Variants in CERS6 observed in about 807,000 individuals in gnomAD.
The protein encoded by CERS6 is LAG1 homolog, ceramide synthase 6.
Under a neutral mutation model 56.8 loss-of-function variants are expected in CERS6, and 26 were observed. The observed-to-expected ratio is 0.46, with a 90% CI of 0.34 to 0.63. The LOEUF (loss-of-function observed/expected upper bound fraction) is 0.63, where lower values mean the gene tolerates loss of function less well. Ranked by LOEUF, CERS6 falls within the 30% of genes least tolerant of loss-of-function variation. The probability of loss-of-function intolerance (pLI) is 0.01; values close to 1 mark genes in which losing one functional copy is unlikely to be tolerated. For missense variants in CERS6, 415 were observed against 467.5 expected, an observed-to-expected ratio of 0.89 and a Z score of 1.04; for synonymous variants, 164 against 173.3, an observed-to-expected ratio of 0.95 and a Z score of 0.42.
At chr2:168,647,131 C>T (rs1324218439) in intron 4 of CERS6, among the ~76,000 whole-genome samples, 1 of 152,148 alleles carries the variant, frequency 6.6e-6, no homozygotes, top group African/African-American at 2.4e-5. Context: ...GCAGTGCAGC[C>T]ATTTTAATTA....
Position 168,456,743 on chromosome 2 carries a change from GT to G in CERS6, c.170+127del. ...CGCGTTCACGCCTCCCAACCTTTGT[GT>G]TCGGGGAGGGGTTGCTGACCCCCCT... On this transcript the variant is annotated intron_variant, in intron 1 of 9. Coordinates refer to ENST00000305747, the MANE Select transcript of CERS6 (RefSeq NM_203463.3). The surrounding 1 kb of genome is among the most constrained non-coding windows in gnomAD (Gnocchi z 4.1). 1.1e-6 allele frequency: 1 copy of G among 876,436 alleles called. No individual in the cohort carries two copies. Among genetic ancestry groups the G allele is most frequent in the Non-Finnish European group, 1.7e-6 (1 of 573,982 alleles). 54.3% of individuals were successfully genotyped at this position (876,436 alleles called of 1,614,324 possible). A position where few individuals can be genotyped will look rare whatever the true frequency, so the allele number is the denominator to read the frequency against.
At chr2:168,509,600 G>A (rs1694742383) in intron 1 of CERS6, among the ~76,000 whole-genome samples, 1 of 152,098 alleles carries the variant, frequency 6.6e-6, no homozygotes, top group Admixed American at 6.5e-5. Context: ...GGGAATGTCG[G>A]GTTAATCATG....
chr2:168,575,430 GC>G (rs1683238005), intron 3 of CERS6, among the ~76,000 whole-genome samples: 1 of 151,802 alleles, frequency 6.6e-6, no homozygotes, highest in African/African-American at 2.4e-5. Flanking sequence ...GTGAGGAAGT[GC>G]CACTTCCTCA....
intron 3 of CERS6, among the ~76,000 whole-genome samples, chr2:168,615,556 C>G (rs566005249): frequency 1.3e-5 from 2 of 151,596 alleles, no homozygotes; most frequent in African/African-American, 4.8e-5. Context: ...ACTGGATGCA[C>G]GAAAGAAATG....
intron 1 of CERS6, among the ~76,000 whole-genome samples, chr2:168,518,043 A>G (rs1694914933): frequency 6.6e-6 from 1 of 152,110 alleles, no homozygotes; most frequent in Admixed American, 6.5e-5. Flanking sequence ...AAAATACATA[A>G]CCGTTTTAAA....
intron 1 of CERS6, among the ~76,000 whole-genome samples, chr2:168,491,418 A>G (rs1352346454): frequency 1.3e-5 from 2 of 152,182 alleles, no homozygotes; most frequent in African/African-American, 2.4e-5. Context: ...GGAGTCAGCA[A>G]AACAACTGTA....
chr2:168,601,776 C>CTT lies in CERS6; in HGVS notation c.408-29208_408-29207insTT, dbSNP rs1316672100. Among the ~76,000 whole-genome samples, 5 of 152,206 alleles carry CTT rather than the reference C, an allele frequency of 3.3e-5. No homozygotes were observed. In the South Asian group the frequency reaches 6.2e-4, roughly 19 times the overall value. Reference sequence around the variant, plus strand: ...TGTTGGCCATGTTGTTCTTGAACTCCTGACATCAGGTGATCCGCCCACCCC... The same window carrying CTT: ...TGTTGGCCATGTTGTTCTTGAACTCCTTTGACATCAGGTGATCCGCCCACCCC... On this transcript the variant is annotated intron_variant, in intron 3 of 9. Coordinates refer to ENST00000305747, the MANE Select transcript of CERS6 (RefSeq NM_203463.3).
intron 8 of CERS6, 47 bp downstream of exon 8, chr2:168,718,025 A>C (rs1273389689): frequency 7.4e-7 from 1 of 1,352,144 alleles, no homozygotes; most frequent in Non-Finnish European, 1.0e-6. Context: ...TTTCCAAATA[A>C]GCTTTCTGAA....
At chr2:168,635,258 G>C (rs911510084) in intron 4 of CERS6, among the ~76,000 whole-genome samples, 2 of 152,170 alleles carry the variant, frequency 1.3e-5, no homozygotes, top group African/African-American at 4.8e-5. Flanking sequence ...TCTGACAAGG[G>C]GACACTGACC....
At chr2:168,719,438 G>A (rs1445008045) in intron 8 of CERS6, among the ~76,000 whole-genome samples, 3 of 152,358 alleles carry the variant, frequency 2.0e-5, no homozygotes, top group South Asian at 4.1e-4. Flanking sequence ...AGGGTAAGGT[G>A]TAATGGAGGT....
At chr2:168,744,923 A>G (rs866985116) in intron 8 of CERS6, among the ~76,000 whole-genome samples, 4 of 152,214 alleles carry the variant, frequency 2.6e-5, no homozygotes, top group Admixed American at 2.6e-4. Flanking sequence ...AAAAATTCCA[A>G]TGCCCAGGCT....
chr2:168,518,025 T>G (rs2060930), intron 1 of CERS6, among the ~76,000 whole-genome samples: 106,828 of 152,096 alleles, frequency 0.7, 37,885 homozygotes, highest in East Asian at 0.98. Context: ...GTGACTGTTG[T>G]TGATTTGAAA....
intron 4 of CERS6, among the ~76,000 whole-genome samples, chr2:168,665,332 G>C (rs892663786): frequency 2.0e-5 from 3 of 151,990 alleles, no homozygotes; most frequent in Admixed American, 6.6e-5. Flanking sequence ...AATACGGTGG[G>C]TATAACATAA....
At chr2:168,519,581 G>A (rs753767043) in intron 1 of CERS6, among the ~76,000 whole-genome samples, 9 of 152,038 alleles carry the variant, frequency 5.9e-5, no homozygotes, top group Non-Finnish European at 8.8e-5. Context: ...GTGTTTGTGC[G>A]TACCCAATGT....
chr2:168,500,541 T>C (rs1346317088), intron 1 of CERS6, among the ~76,000 whole-genome samples: 1 of 152,204 alleles, frequency 6.6e-6, no homozygotes, highest in Non-Finnish European at 1.5e-5. Flanking sequence ...TTTGGGACAG[T>C]TTAACCAGAG....
At chr2:168,464,007 T>A (rs556576039) in intron 1 of CERS6, among the ~76,000 whole-genome samples, 2 of 152,192 alleles carry the variant, frequency 1.3e-5, no homozygotes, top group Admixed American at 1.3e-4. Context: ...ATATTAATAA[T>A]TGGTATTTAA....
chr2:168,636,232 T>C (rs1008324935), intron 4 of CERS6, among the ~76,000 whole-genome samples: 2 of 152,168 alleles, frequency 1.3e-5, no homozygotes, highest in African/African-American at 2.4e-5. Context: ...GAAAGATGAA[T>C]TGACTTGCCC....
At chr2:168,529,842 A>G (rs1451406404) in intron 1 of CERS6, among the ~76,000 whole-genome samples, 1 of 152,140 alleles carries the variant, frequency 6.6e-6, no homozygotes, top group African/African-American at 2.4e-5. Flanking sequence ...AATATAATGG[A>G]ATTAAAGGAT....
At chr2:168,521,057 T>C (rs911107328) in intron 1 of CERS6, among the ~76,000 whole-genome samples, 2 of 152,200 alleles carry the variant, frequency 1.3e-5, no homozygotes, top group Admixed American at 1.3e-4. Context: ...TACGTTTCTG[T>C]TTTTGATAGA....
Sources: gnomAD v4.1 joint callset for allele counts (sites outside exome capture counted in the v4.1 genomes callset) on GRCh38, gnomAD v4.1.1 for gene constraint, Gnocchi (gnomAD v3.1) non-coding constraint, MANE v1.5 for transcripts, NCBI Gene and HGNC (gene_info 2026-07-23, HGNC 2026-07-21) for gene names.